ZFHX2: variants seen among roughly 807,000 people sequenced by gnomAD.
The protein encoded by ZFHX2 is zinc finger homeobox protein 2.
Under a neutral mutation model 164.8 loss-of-function variants are expected in ZFHX2, and 75 were observed. The observed-to-expected ratio is 0.46, with a 90% confidence interval of 0.38 to 0.55. ZFHX2 has a LOEUF of 0.55. Among genes scored for constraint, ZFHX2 ranks in the 20% least tolerant of loss-of-function variants. The probability of loss-of-function intolerance (pLI) is 0.00; values close to 1 mark genes in which losing one functional copy is unlikely to be tolerated. For missense variants in ZFHX2, 2,933 were observed against 3,308.0 expected (o/e 0.89, Z 2.78); for synonymous variants, 1,217 against 1,351.4 (o/e 0.90, Z 2.18).
chr14:23,539,494 G>T (rs561136450), intron 1 of ZFHX2, among the ~76,000 whole-genome samples: 1 of 152,310 alleles, frequency 6.6e-6, no homozygotes, highest in South Asian at 2.1e-4. Flanking sequence ...AAGCTGAAAA[G>T]CCAGGCCCTG....
chr14:23,524,294 G>A lies in ZFHX2; in HGVS notation c.5648C>T (p.Thr1883Ile). 2 of 1,536,394 alleles carry A rather than the reference G, an allele frequency of 1.3e-6. No individual in the cohort carries two copies. The highest frequency in any genetic ancestry group is 1.2e-5 in the South Asian group (1 of 84,066). Residue 1883 changes from threonine to isoleucine, a missense_variant, in exon 9 of 10, where the codon ACA (threonine) becomes ATA (isoleucine). Physicochemically the swap from Thr to Ile is moderately conservative, Grantham distance 89. Transcript: ENST00000419474. The surrounding 1 kb of genome is among the most constrained non-coding windows in gnomAD (Gnocchi z 5.6). ...YRWYMQDSNP[T>I]RKMLDCISEE... is the part of the protein sequence containing the mutation. ...GGAGATGCAGTCGAGCATCTTGCGTGTTGGGTTGGAATCCTGCATGTACCA... is the reference window on the plus strand; with the variant it reads ...GGAGATGCAGTCGAGCATCTTGCGTATTGGGTTGGAATCCTGCATGTACCA...
At chr14:23,540,586 AT>A (rs1019308353) in intron 1 of ZFHX2, among the ~76,000 whole-genome samples, 5 of 152,170 alleles carry the variant, frequency 3.3e-5, no homozygotes, top group Admixed American at 6.5e-5. Context: ...GATGAGCTCT[AT>A]TTTTTAGGGC....
At position 23,522,201 on chromosome 14, in the gene ZFHX2, T is replaced by G. The variant is rs963167498; in HGVS notation, c.7480A>C (p.Thr2494Pro). The G allele has an allele frequency of 1.0e-5, 15 of 1,483,672 alleles. No homozygotes were observed. The Admixed American group carries it at 3.3e-4, about 32-fold the overall frequency. 91.9% of individuals were successfully genotyped at this position (1,483,672 alleles called of 1,614,324 possible). ...MPPPLRVPIC[T>P]YHCLACEVLL... Reference sequence around the variant, plus strand: ...ACCTCACATGCCAGGCAGTGGTAGGTGCAGATGGGCACCCGCAATGGGGGT... The same window carrying G: ...ACCTCACATGCCAGGCAGTGGTAGGGGCAGATGGGCACCCGCAATGGGGGT... The change falls in exon 10 of 10, where the codon ACC becomes CCC. Residue 2494 changes from threonine to proline, a missense_variant. Coordinates refer to ENST00000419474, the MANE Select transcript of ZFHX2 (RefSeq NM_033400.3).
Position 23,534,421 on chromosome 14 carries a change from G to A in ZFHX2, c.905C>T (p.Ser302Phe). Residue 302 changes from serine to phenylalanine, a missense_variant, in exon 2 of 10, where the codon TCT (serine) becomes TTT (phenylalanine). Physicochemically the swap from Ser to Phe is radical, Grantham distance 155. Coordinates refer to ENST00000419474, the MANE Select transcript of ZFHX2 (RefSeq NM_033400.3). The surrounding 1 kb of genome is among the most constrained non-coding windows in gnomAD (Gnocchi z 4.5). ...LEPKLPARPS[S>F]DIPLDNSSTV... ...GCTGCTGTTGTCAAGGGGTATGTCA[G>A]AAGAGGGGCGAGCAGGGAGTTTTGG... is the stretch of plus-strand genomic sequence containing the variant. The A allele has an allele frequency of 1.3e-6, 2 of 1,536,818 alleles. No homozygotes were observed. Among genetic ancestry groups the A allele is most frequent in the South Asian group, 1.2e-5 (1 of 84,066 alleles).
rs2138648966 is a variant in ZFHX2, at chr14:23,522,684, A to G, written c.6997T>C (p.Leu2333=). ...SNDALKNLKA[L]KTTVPALLGG... ...AACAGGGCTGGGACAGTGGTCTTCA[A>G]TGCTTTGAGGTTCTTGAGGGCATCA... is the stretch of plus-strand genomic sequence containing the variant. The change falls in exon 10 of 10, where the codon TTG becomes CTG. Residue 2333 remains leucine (L), a synonymous_variant. Transcript: ENST00000419474. 6.5e-7 allele frequency: 1 copy of G among 1,536,546 alleles called. No individual in the cohort carries two copies. The highest frequency in any genetic ancestry group is 2.0e-5 in the Admixed American group (1 of 50,996).
At chr14:23,545,342 C>T (rs560948475) in intron 1 of ZFHX2, among the ~76,000 whole-genome samples, 4 of 152,338 alleles carry the variant, frequency 2.6e-5, no homozygotes, top group Admixed American at 6.5e-5. Context: ...ACCACTCGTC[C>T]GCCCTCCTCA....
Position 23,524,917 on chromosome 14 carries a change from G to A in ZFHX2, c.5025C>T (p.Cys1675=). The A allele has an allele frequency of 6.5e-7, 1 of 1,536,226 alleles. No homozygotes were observed. Among genetic ancestry groups the A allele is most frequent in the South Asian group, 1.2e-5 (1 of 84,062 alleles). Residue 1675 remains cysteine, a synonymous_variant, in exon 9 of 10, where the codon TGC becomes TGT. Transcript: ENST00000419474. This position sits in a 1 kb window ranked among gnomAD's most constrained non-coding sequence, Gnocchi z 5.6. ...GTGGASGCRR[C]HATFSCVFEL... ...CAAAAACACAGGAGAAAGTGGCGTG[G>A]CAACGCCTGCAGCCGGAGGCTCCCC...
rs1290695070 is a variant in ZFHX2, at chr14:23,532,553, T to C, written c.2559+14A>G. Reference sequence around the variant, plus strand: ...CTTCTCCTCTTCCGATGGCCCTTCCTGACCCAGCCTCACCTTATAGATTTG... The same window carrying C: ...CTTCTCCTCTTCCGATGGCCCTTCCCGACCCAGCCTCACCTTATAGATTTG... On this transcript the variant is annotated intron_variant, in intron 3 of 9. Transcript: ENST00000419474. 1 of 1,432,834 alleles carries C rather than the reference T, an allele frequency of 7.0e-7. No homozygotes were observed. Among genetic ancestry groups the C allele is most frequent in the South Asian group, 1.5e-5 (1 of 67,014 alleles). The allele number at this position is 1,432,834 out of a possible 1,614,324, so 88.8% of individuals were successfully genotyped here. A position where few individuals can be genotyped will look rare whatever the true frequency, so the allele number is the denominator to read the frequency against.
chr14:23,547,683 C>T (rs557076134), intron 1 of ZFHX2, among the ~76,000 whole-genome samples: 36 of 152,270 alleles, frequency 2.4e-4, no homozygotes, highest in African/African-American at 5.5e-4. Flanking sequence ...CCATTCCCTC[C>T]GGTTTCTGAT....
At position 23,531,576 on chromosome 14, in the gene ZFHX2, C is replaced by T. The variant is rs148020870; in HGVS notation, c.2705G>A (p.Arg902His). 4.0e-3 allele frequency: 6,149 copies of T among 1,524,984 alleles called. 204 individuals carry two copies. The South Asian group carries it at 0.057, about 14-fold the overall frequency. 94.5% of individuals were successfully genotyped at this position (1,524,984 alleles called of 1,614,324 possible). Residue 902 changes from arginine (R) to histidine (H), a missense_variant, in exon 4 of 10, where the codon CGT becomes CAT. By Grantham distance (29) the Arg-to-His change is conservative. Transcript: ENST00000419474. The part of the protein sequence containing the change: ...PAHRDAQAQR[R>H]LQLLQNGPTT... ...TGGGCCATTCTGTAGCAGCTGCAGA[C>T]GCCTCTGGGCCTGGGCATCGCGGTG...
chr14:23,538,916 A>G (rs1880487672), intron 1 of ZFHX2, among the ~76,000 whole-genome samples: 1 of 152,194 alleles, frequency 6.6e-6, no homozygotes, highest in African/African-American at 2.4e-5. Flanking sequence ...GAAAGAGTCA[A>G]TAAAACGAGA....
chr14:23,543,356 T>A (rs577690778), intron 1 of ZFHX2: 1 of 152,388 alleles, frequency 6.6e-6, no homozygotes, highest in East Asian at 1.9e-4. Flanking sequence ...AGATTGGAAC[T>A]CAGGTAGCCT....
chr14:23,543,418 TG>T (rs1233437928), intron 1 of ZFHX2: 1 of 152,254 alleles, frequency 6.6e-6, no homozygotes, highest in African/African-American at 2.4e-5. Flanking sequence ...GAACTCTGGC[TG>T]GTATGCATTT....
Position 23,523,335 on chromosome 14 carries a change from C to T in ZFHX2, c.6607G>A (p.Ala2203Thr). Residue 2203 changes from alanine to threonine, a missense_variant, in exon 9 of 10, where the codon GCC becomes ACC. Transcript: ENST00000419474. This position sits in a 1 kb window ranked among gnomAD's most constrained non-coding sequence, Gnocchi z 4.1. ...PAPEAPPALKAPPATTPASMP... is the reference protein window; with the variant it reads ...PAPEAPPALKTPPATTPASMP... The stretch of plus-strand genomic sequence containing the variant: ...GAGGCAGGTGTGGTGGCAGGTGGGG[C>T]CTTGAGAGCTGGGGGAGCCTCAGGT... 2 of 1,460,910 alleles carry T rather than the reference C, an allele frequency of 1.4e-6. No individual in the cohort carries two copies. The highest frequency in any genetic ancestry group is 1.8e-6 in the Non-Finnish European group (2 of 1,109,910). The allele number at this position is 1,460,910 out of a possible 1,614,324, so 90.5% of individuals were successfully genotyped here. A position where few individuals can be genotyped will look rare whatever the true frequency, so the allele number is the denominator to read the frequency against.
chr14:23,532,654 G>C lies in ZFHX2; in HGVS notation c.2472C>G (p.Asn824Lys), dbSNP rs185672823. The C allele has an allele frequency of 6.7e-7, 1 of 1,484,750 alleles. No individual in the cohort carries two copies. Among genetic ancestry groups the C allele is most frequent in the Non-Finnish European group, 8.9e-7 (1 of 1,119,636 alleles). 92.0% of individuals were successfully genotyped at this position (1,484,750 alleles called of 1,614,324 possible). Residue 824 changes from asparagine (N) to lysine (K), a missense_variant, in exon 3 of 10, where the codon AAC becomes AAG. Transcript: ENST00000419474. ...GSVSPLHLRC[N>K]ICDFESNSKE... ...TGCTGTTGGACTCAAAGTCACAGAT[G>C]TTGCAGCGCAGGTGTAGTGGGGAGA...
intron 1 of ZFHX2, among the ~76,000 whole-genome samples, chr14:23,540,061 C>T (rs574776127): frequency 6.6e-6 from 1 of 152,358 alleles, no homozygotes; most frequent in East Asian, 1.9e-4. Flanking sequence ...CATCTTGTCT[C>T]ACTGCAGACT....
Position 23,533,580 on chromosome 14 carries a change from A to T in ZFHX2, c.1746T>A (p.Arg582=). The T allele has an allele frequency of 6.5e-7, 1 of 1,536,598 alleles. No individual in the cohort carries two copies. Among genetic ancestry groups the T allele is most frequent in the Non-Finnish European group, 8.7e-7 (1 of 1,147,016 alleles). ...KVCSYETNIS[R]NLRIHMTSEK... ...CAGAGGTCATATGGATGCGCAGGTT[A>T]CGGGAGATGTTTGTCTCGTAGCTGC... The change falls in exon 2 of 10, where the codon CGT becomes CGA. Residue 582 remains arginine, a synonymous_variant. Transcript: ENST00000419474. This position sits in a 1 kb window ranked among gnomAD's most constrained non-coding sequence, Gnocchi z 4.8.
At chr14:23,531,199 C>T (rs1879503370) in intron 4 of ZFHX2, 1 of 315,306 alleles carries the variant, frequency 3.2e-6, no homozygotes, top group Non-Finnish European at 5.7e-6. Context: ...GGACACTAGT[C>T]ACTACTCAGA....
chr14:23,547,029 G>A (rs1881462656), intron 1 of ZFHX2, among the ~76,000 whole-genome samples: 1 of 152,216 alleles, frequency 6.6e-6, no homozygotes. Flanking sequence ...CTGATTGGGT[G>A]CATGTTTGTT....
Sources: allele counts gnomAD v4.1 joint callset (sites outside exome capture counted in the v4.1 genomes callset), GRCh38; gene constraint gnomAD v4.1.1; non-coding constraint Gnocchi (gnomAD v3.1); transcripts MANE v1.5; gene names NCBI Gene and HGNC (gene_info 2026-07-23, HGNC 2026-07-21).